Variants in RASGRP1 observed in about 807,000 individuals in gnomAD.
RASGRP1 encodes RAS guanyl-releasing protein 1.
In RASGRP1, 37 loss-of-function variants were observed where a neutral mutation model predicts 95.1. The ratio of observed to expected loss-of-function variants is 0.39; its 90% CI spans 0.30 to 0.51. The LOEUF is 0.51. Ranked by LOEUF, RASGRP1 falls within the 20% of genes least tolerant of loss-of-function variation. RASGRP1 has a pLI of 0.80. For synonymous variants in RASGRP1, 325 were observed against 353.4 expected, an observed-to-expected ratio of 0.92 and a Z score of 0.90; for missense variants, 711 against 965.4, an observed-to-expected ratio of 0.74 and a Z score of 3.49.
chr15:38,557,661 G>A (rs1229702548), intron 2 of RASGRP1, among the ~76,000 whole-genome samples: 3 of 151,426 alleles, frequency 2.0e-5, no homozygotes, highest in African/African-American at 7.3e-5. Flanking sequence ...TGAACAGTAT[G>A]TTTCTCAGGT....
intron 6 of RASGRP1, among the ~76,000 whole-genome samples, chr15:38,515,794 T>C (rs529257183): frequency 1.2e-4 from 18 of 149,234 alleles, no homozygotes; most frequent in Admixed American, 4.0e-4. Flanking sequence ...CCCCCTTTTT[T>C]TTTTTGAGGA....
chr15:38,515,906 AGAGAGTGTGTGT>A (rs1566920519), intron 6 of RASGRP1, among the ~76,000 whole-genome samples: 1 of 123,346 alleles, frequency 8.1e-6, no homozygotes, highest in African/African-American at 2.8e-5. Flanking sequence ...AGAGAGAGAG[AGAGAGTGTGTGT>A]GTGTGTGTGT....
At chr15:38,537,227 C>T (rs1566930915) in intron 2 of RASGRP1, among the ~76,000 whole-genome samples, 1 of 151,942 alleles carries the variant, frequency 6.6e-6, no homozygotes, top group Non-Finnish European at 1.5e-5. Flanking sequence ...CTGTGTTAGT[C>T]CATTCTTGCA....
intron 3 of RASGRP1, chr15:38,524,318 G>A (rs35925499): frequency 0.046 from 7,041 of 152,336 alleles, 178 homozygotes; most frequent in Middle Eastern, 0.054. Flanking sequence ...ACAGTGGTAG[G>A]AATTCTGGTG....
In RASGRP1 at chr15:38,518,313, C is replaced by A; in HGVS notation, c.500G>T (p.Arg167Leu). ...VKAKGEELHCRLIDTTQINAR... is the reference protein window; with the variant it reads ...VKAKGEELHCLLIDTTQINAR... ...TCACATTTGAGTTGTGTCAATCAGG[C>A]GGCAATGTAACTCCTCACCCTTAGC... Residue 167 changes from arginine (R) to leucine (L), a missense_variant, in exon 5 of 17, where the codon CGC (arginine) becomes CTC (leucine). Physicochemically the swap from Arg to Leu is moderately radical, Grantham distance 102. Coordinates refer to ENST00000310803, the MANE Select transcript of RASGRP1 (RefSeq NM_005739.4). The A allele has an allele frequency of 1.9e-6, 3 of 1,610,206 alleles. No homozygotes were observed. Among genetic ancestry groups the A allele is most frequent in the Non-Finnish European group, 2.5e-6 (3 of 1,178,254 alleles).
At chr15:38,510,792 C>T (rs1020492563) in intron 8 of RASGRP1, among the ~76,000 whole-genome samples, 1 of 152,130 alleles carries the variant, frequency 6.6e-6, no homozygotes, top group Non-Finnish European at 1.5e-5. Context: ...AGACCCTTAT[C>T]TCTACAAAAA....
intron 6 of RASGRP1, 125 bp downstream of exon 6, chr15:38,516,072 G>T: frequency 8.9e-7 from 1 of 1,124,386 alleles, no homozygotes; most frequent in Non-Finnish European, 1.3e-6. Flanking sequence ...TATGATGTCT[G>T]GCAGGAAAGC....
chr15:38,500,502 C>T (rs1217239566), intron 13 of RASGRP1, among the ~76,000 whole-genome samples: 1 of 152,098 alleles, frequency 6.6e-6, no homozygotes, highest in Non-Finnish European at 1.5e-5. Flanking sequence ...TCCACCACAC[C>T]TGGCTAAATT....
chr15:38,490,733 A>G, intron 16 of RASGRP1, 45 bp from the exon 17 acceptor site: 1 of 1,539,888 alleles, frequency 6.5e-7, no homozygotes, highest in Non-Finnish European at 8.8e-7. Flanking sequence ...GCAGCAATGA[A>G]TAGCAAATGA....
chr15:38,538,108 AC>A (rs1892729284), intron 2 of RASGRP1, among the ~76,000 whole-genome samples: 1 of 152,154 alleles, frequency 6.6e-6, no homozygotes, highest in Non-Finnish European at 1.5e-5. Flanking sequence ...TACTAAAAAT[AC>A]AAAAATTAGC....
intron 2 of RASGRP1, among the ~76,000 whole-genome samples, chr15:38,529,772 C>T (rs986629327): frequency 3.3e-5 from 5 of 152,120 alleles, no homozygotes; most frequent in Admixed American, 1.3e-4. Context: ...ATAGGAAACA[C>T]GTTAACTTTT....
chr15:38,545,892 G>A (rs915148121), intron 2 of RASGRP1, among the ~76,000 whole-genome samples: 1 of 152,188 alleles, frequency 6.6e-6, no homozygotes, highest in Non-Finnish European at 1.5e-5. Flanking sequence ...TTTGAAAAAT[G>A]AGAGACTTTT....
intron 2 of RASGRP1, among the ~76,000 whole-genome samples, chr15:38,539,564 T>C (rs937774131): frequency 4.0e-5 from 6 of 150,108 alleles, no homozygotes; most frequent in Non-Finnish European, 8.8e-5. Context: ...TTTTTTGTTT[T>C]TATTTATTTA....
intron 2 of RASGRP1, among the ~76,000 whole-genome samples, chr15:38,538,032 G>A (rs930946849): frequency 6.6e-6 from 1 of 152,204 alleles, no homozygotes; most frequent in African/African-American, 2.4e-5. Flanking sequence ...GGGAGGCTGA[G>A]GCAGGCAGAT....
At chr15:38,508,034 C>CTGTGTGCATTGTCTGTAAT in intron 8 of RASGRP1, 33 bp from the exon 9 acceptor site, 1 of 1,569,140 alleles carries the variant, frequency 6.4e-7, no homozygotes, top group Non-Finnish European at 8.6e-7. Flanking sequence ...CACAGGTACC[C>CTGTGTGCATTGTCTGTAAT]GCTAGGCAGT....
intron 6 of RASGRP1, among the ~76,000 whole-genome samples, chr15:38,513,856 G>A (rs1006812443): frequency 1.3e-5 from 2 of 152,158 alleles, no homozygotes; most frequent in East Asian, 3.8e-4. Flanking sequence ...GAAAGAAGGT[G>A]TGACCATATG....
chr15:38,564,672 G>C lies in RASGRP1; in HGVS notation c.-44C>G. On this transcript the variant is annotated 5_prime_UTR_variant, in exon 1 of 17. Coordinates refer to ENST00000310803, the MANE Select transcript of RASGRP1 (RefSeq NM_005739.4). ...CGGTGCCGGCTCACCTAGCGCGGCC[G>C]GGCGCGGCGCATCGCCCCCGCCACC... The C allele has an allele frequency of 8.1e-7, 1 of 1,235,594 alleles. No individual in the cohort carries two copies. The highest frequency in any genetic ancestry group is 1.0e-6 in the Non-Finnish European group (1 of 989,962). The allele number at this position is 1,235,594 out of a possible 1,614,324, so 76.5% of individuals were successfully genotyped here.
intron 2 of RASGRP1, among the ~76,000 whole-genome samples, chr15:38,528,427 C>T (rs562017227): frequency 2.5e-4 from 38 of 152,154 alleles, no homozygotes; most frequent in African/African-American, 9.2e-4. Flanking sequence ...TACCAATCAG[C>T]TCCACACTGC....
chr15:38,501,664 T>C (rs62003594), intron 12 of RASGRP1, among the ~76,000 whole-genome samples: 1,706 of 152,334 alleles, frequency 0.011, 20 homozygotes, highest in Non-Finnish European at 0.019. Context: ...ACTAACCATA[T>C]GATTAGTTTC....
Sources: gnomAD v4.1 joint callset for allele counts (sites outside exome capture counted in the v4.1 genomes callset) on GRCh38, gnomAD v4.1.1 for gene constraint, MANE v1.5 for transcripts, NCBI Gene and HGNC (gene_info 2026-07-23, HGNC 2026-07-21) for gene names.